CMPK1: variants seen among roughly 807,000 people sequenced by gnomAD.
CMPK1 encodes the protein cytidine/uridine monophosphate kinase 1.
Under a neutral mutation model 25.7 loss-of-function variants are expected in CMPK1, and 10 were observed. That is an observed-to-expected ratio of 0.39 (90% CI 0.24 to 0.66). The LOEUF is 0.66. CMPK1 is among the 30% of genes least tolerant of loss of function. The pLI is 0.48. For synonymous variants in CMPK1, 106 were observed against 101.5 expected (o/e 1.04, Z -0.27); for missense variants, 199 against 280.5 (o/e 0.71, Z 2.08).
At chr1:47,362,859 A>G (rs780316526) in intron 1 of CMPK1, among the ~76,000 whole-genome samples, 1 of 152,226 alleles carries the variant, frequency 6.6e-6, no homozygotes, top group African/African-American at 2.4e-5. Flanking sequence ...TATTATACTC[A>G]GCTTTCTCCC....
chr1:47,375,363 C>T (rs551117716), intron 5 of CMPK1, 70 bp downstream of exon 5: 54 of 1,088,526 alleles, frequency 5.0e-5, no homozygotes, highest in Non-Finnish European at 7.2e-5. Flanking sequence ...TTGGGGTAAG[C>T]AGGAAAAAAA....
chr1:47,365,013 G>C (rs2149332574), intron 1 of CMPK1, among the ~76,000 whole-genome samples: 1 of 152,050 alleles, frequency 6.6e-6, no homozygotes, highest in Non-Finnish European at 1.5e-5. Context: ...CTCTCACCTT[G>C]GCTTCCCAAA....
At chr1:47,368,981 A>G (rs1646658516) in intron 2 of CMPK1, among the ~76,000 whole-genome samples, 1 of 152,110 alleles carries the variant, frequency 6.6e-6, no homozygotes, top group Admixed American at 6.6e-5. Context: ...CACCTTTCAT[A>G]TGTGTAATGA....
intron 1 of CMPK1, among the ~76,000 whole-genome samples, chr1:47,343,827 C>T (rs546862462): frequency 2.0e-5 from 3 of 149,598 alleles, no homozygotes; most frequent in South Asian, 4.2e-4. Flanking sequence ...GCGGAGCTTG[C>T]GGTGAGCCGA....
chr1:47,371,712 C>T (rs1049664484), intron 2 of CMPK1, among the ~76,000 whole-genome samples: 3 of 152,178 alleles, frequency 2.0e-5, no homozygotes, highest in Admixed American at 6.5e-5. Context: ...TTTAGCCATA[C>T]CCAAAGCTTT....
chr1:47,336,825 CTGGTTATT>C (rs1328546475), intron 1 of CMPK1, among the ~76,000 whole-genome samples: 4 of 152,230 alleles, frequency 2.6e-5, no homozygotes, highest in African/African-American at 9.6e-5. Flanking sequence ...CATGCCTGGC[CTGGTTATT>C]TTTATTGCAA....
intron 1 of CMPK1, 113 bp from the exon 2 acceptor site, chr1:47,368,356 C>A: frequency 1.2e-6 from 1 of 860,942 alleles, no homozygotes; most frequent in Non-Finnish European, 1.7e-6. Flanking sequence ...ACAAGCAAAA[C>A]TTCTTTATTG....
At chr1:47,351,032 T>A (rs1384881698) in intron 1 of CMPK1, among the ~76,000 whole-genome samples, 3 of 152,212 alleles carry the variant, frequency 2.0e-5, no homozygotes, top group Non-Finnish European at 2.9e-5. Flanking sequence ...AGTAGAATTA[T>A]ATGATACTTG....
At chr1:47,375,053 G>T in intron 4 of CMPK1, 68 bp downstream of exon 4, 1 of 1,382,884 alleles carries the variant, frequency 7.2e-7, no homozygotes, top group Non-Finnish European at 1.0e-6. Context: ...AGGAATAAAA[G>T]AGTCACATTT....
In CMPK1 at chr1:47,340,304, C is replaced by CAAA. The variant is rs749595776; in HGVS notation, c.171+6200_171+6202dup. On this transcript the variant is annotated intron_variant, in intron 1 of 5. Coordinates refer to ENST00000371873, the MANE Select transcript of CMPK1 (RefSeq NM_016308.3). ...GTCTCCCCAGAGCAAGACTCCGTCT[C>CAAA]AAAAAAAAAAAAAAGAGAAATGGGG... Among the ~76,000 whole-genome samples, 793 of 123,696 alleles carry CAAA rather than the reference C, an allele frequency of 6.4e-3. 7 individuals are homozygous for CAAA. Among genetic ancestry groups the CAAA allele is most frequent in the African/African-American group, 0.022 (742 of 34,206 alleles). 81.1% of individuals were successfully genotyped at this position (123,696 alleles called of 152,430 possible).
chr1:47,345,496 C>CTT (rs758503471), intron 1 of CMPK1, among the ~76,000 whole-genome samples: 37,687 of 142,544 alleles, frequency 0.26, 5,122 homozygotes, highest in Middle Eastern at 0.31. Context: ...AATTTAATTT[C>CTT]TTTTTTTTTT....
chr1:47,350,873 A>C (rs975885693), intron 1 of CMPK1, among the ~76,000 whole-genome samples: 1 of 150,968 alleles, frequency 6.6e-6, no homozygotes, highest in African/African-American at 2.4e-5. Context: ...ACGCCACTGC[A>C]CTCCAGCCTG....
intron 1 of CMPK1, among the ~76,000 whole-genome samples, chr1:47,336,356 G>A (rs548738650): frequency 1.3e-5 from 2 of 152,258 alleles, no homozygotes; most frequent in South Asian, 2.1e-4. Context: ...GGAAAACATA[G>A]AAATGGCTGT....
intron 1 of CMPK1, among the ~76,000 whole-genome samples, 159 bp downstream of exon 1, chr1:47,334,275 G>A (rs1646379181): frequency 6.6e-6 from 1 of 151,758 alleles, no homozygotes; most frequent in Non-Finnish European, 1.5e-5. Flanking sequence ...AGGGCCGCCG[G>A]CGCGCGGCGT....
At chr1:47,336,138 G>GAAATAAATAAATAAAT (rs61064131) in intron 1 of CMPK1, among the ~76,000 whole-genome samples, 35,672 of 150,266 alleles carry the variant, frequency 0.24, 4,593 homozygotes, top group Non-Finnish European at 0.3. Context: ...CTCCGTCTCA[G>GAAATAAATAAATAAAT]AAATAAATAA....
chr1:47,345,528 CTG>C (rs1009699658), intron 1 of CMPK1, among the ~76,000 whole-genome samples: 2 of 149,694 alleles, frequency 1.3e-5, no homozygotes, highest in Middle Eastern at 3.3e-3. Flanking sequence ...GAGTCTCACT[CTG>C]TTGCCCAGGC....
intron 1 of CMPK1, among the ~76,000 whole-genome samples, chr1:47,342,649 C>CTTTTTTTTTTTT (rs11334963): frequency 1.5e-4 from 17 of 116,426 alleles, no homozygotes; most frequent in African/African-American, 2.1e-4. Context: ...TCTCTTTTTT[C>CTTTTTTTTTTTT]TTTTTTTTTT....
intron 1 of CMPK1, 123 bp downstream of exon 1, chr1:47,334,239 C>T: frequency 6.4e-6 from 6 of 942,494 alleles, no homozygotes; most frequent in Middle Eastern, 4.0e-4. Context: ...CCGGCGGCCA[C>T]CGCGCCGCCC....
At chr1:47,376,607 C>T (rs1482828250) in intron 5 of CMPK1, 97 bp from the exon 6 acceptor site, 41 of 719,234 alleles carry the variant, frequency 5.7e-5, no homozygotes, top group Non-Finnish European at 7.8e-5. Context: ...TGAGCCACCG[C>T]GCCCCGCCAA....
Sources: gnomAD v4.1 joint callset for allele counts (sites outside exome capture counted in the v4.1 genomes callset) on GRCh38, gnomAD v4.1.1 for gene constraint, MANE v1.5 for transcripts, NCBI Gene and HGNC (gene_info 2026-07-23, HGNC 2026-07-21) for gene names.